PLEKHA4: variants seen among roughly 807,000 people sequenced by gnomAD.
The protein encoded by PLEKHA4 is pleckstrin homology domain-containing family A member 4.
PLEKHA4 carries 73 observed loss-of-function variants against 94.7 expected under a neutral mutation model. The ratio of observed to expected loss-of-function variants is 0.77; its 90% CI spans 0.64 to 0.94. The LOEUF is 0.94. Among genes scored for constraint, PLEKHA4 ranks in the 40% least tolerant of loss-of-function variants. The pLI, the probability that PLEKHA4 is intolerant of heterozygous loss-of-function variation, is 0.00. For missense variants in PLEKHA4, 1,049 were observed against 1,054.1 expected (o/e 1.00, Z 0.07); for synonymous variants, 449 against 437.1 (o/e 1.03, Z -0.34).
rs368110554 is a variant in PLEKHA4, at chr19:48,860,595, C to T, written c.367-136G>A. 170 of 654,654 alleles carry T rather than the reference C, an allele frequency of 2.6e-4. 1 individual carries two copies. The highest frequency in any genetic ancestry group is 2.2e-3 in the South Asian group (125 of 56,584). 40.6% of individuals were successfully genotyped at this position (654,654 alleles called of 1,614,324 possible). A position where few individuals can be genotyped will look rare whatever the true frequency, so the allele number is the denominator to read the frequency against. On this transcript the variant is annotated intron_variant, in intron 5 of 19. Transcript: ENST00000263265. ...GAGGATGGCTTGAGACCAGCCTAGG[C>T]AACATAATGAGACACCCCCCTCCAC...
Position 48,861,382 on chromosome 19 carries a change from CATGG to C in PLEKHA4, c.366+15_366+18del. 1 of 1,603,778 alleles carries C rather than the reference CATGG, an allele frequency of 6.2e-7. No individual in the cohort carries two copies. Among genetic ancestry groups the C allele is most frequent in the Non-Finnish European group, 8.5e-7 (1 of 1,171,798 alleles). On this transcript the variant is annotated intron_variant, in intron 5 of 19. Coordinates refer to ENST00000263265, the MANE Select transcript of PLEKHA4 (RefSeq NM_020904.3). ...CCAGTTCCCATCGCCTGGTGCACAA[CATGG>C]ATGGATGGACTCACGGTGAAGGTGA...
At position 48,837,485 on chromosome 19, in the gene PLEKHA4, C is replaced by T; in HGVS notation, c.2144G>A (p.Arg715His). The change falls in exon 20 of 20, where the codon CGC becomes CAC. Residue 715 changes from arginine to histidine, a missense_variant. Physicochemically the swap from Arg to His is conservative, Grantham distance 29. Transcript: ENST00000263265. This position sits in a 1 kb window ranked among gnomAD's most constrained non-coding sequence, Gnocchi z 4.3. ...AGATCTGGGGGGAGGGGTCTCCTGGCGCGTGGGGTCCGAAGGAGGCAGCGG... is the reference window on the plus strand; with the variant it reads ...AGATCTGGGGGGAGGGGTCTCCTGGTGCGTGGGGTCCGAAGGAGGCAGCGG... ...GVPLPPSDPT[R>H]QETPPPRSPP... The T allele has an allele frequency of 3.1e-6, 5 of 1,612,846 alleles. No homozygotes were observed. Among genetic ancestry groups the T allele is most frequent in the Non-Finnish European group, 3.4e-6 (4 of 1,179,506 alleles).
At chr19:48,839,094 G>C (rs1233605052) in intron 18 of PLEKHA4, 111 bp downstream of exon 18, 3 of 612,594 alleles carry the variant, frequency 4.9e-6, no homozygotes, top group Non-Finnish European at 8.1e-6. Context: ...ATCTCTAGAA[G>C]GGTTGCGATT....
At chr19:48,862,590 G>T (rs1412369333) in intron 3 of PLEKHA4, among the ~76,000 whole-genome samples, 1 of 148,824 alleles carries the variant, frequency 6.7e-6, no homozygotes, top group East Asian at 2.0e-4. Context: ...CTCACTGCAA[G>T]CTCCGCCTCC....
chr19:48,861,864 G>A (rs572116811), intron 3 of PLEKHA4, among the ~76,000 whole-genome samples, 172 bp from the exon 4 acceptor site: 10 of 152,198 alleles, frequency 6.6e-5, no homozygotes, highest in South Asian at 4.1e-4. Context: ...AATGGCTCAC[G>A]CCTGTAATCC....
intron 16 of PLEKHA4, among the ~76,000 whole-genome samples, chr19:48,843,466 A>G (rs769000612): frequency 8.0e-5 from 12 of 149,702 alleles, no homozygotes; most frequent in Non-Finnish European, 1.5e-4. Context: ...GGCGTTAGCC[A>G]CCGCACGCGG....
chr19:48,857,662 A>G (rs559324433), intron 8 of PLEKHA4, among the ~76,000 whole-genome samples, 166 bp from the exon 9 acceptor site: 30 of 151,674 alleles, frequency 2.0e-4, no homozygotes, highest in African/African-American at 6.3e-4. Context: ...ACTCAGGGTT[A>G]AATGGATTAA....
intron 11 of PLEKHA4, 34 bp from the exon 12 acceptor site, chr19:48,853,865 A>AGCCAT: frequency 6.3e-7 from 1 of 1,589,796 alleles, no homozygotes; most frequent in Non-Finnish European, 8.6e-7. Flanking sequence ...AGACTTCAGA[A>AGCCAT]GCCATGCCTA....
At chr19:48,862,483 G>C (rs961311861) in intron 3 of PLEKHA4, among the ~76,000 whole-genome samples, 1 of 151,636 alleles carries the variant, frequency 6.6e-6, no homozygotes, top group African/African-American at 2.4e-5. Flanking sequence ...TTACAGGCGT[G>C]AGCCACTGCG....
chr19:48,860,589 C>A (rs1374240146), intron 5 of PLEKHA4, 130 bp from the exon 6 acceptor site: 4 of 673,142 alleles, frequency 5.9e-6, no homozygotes, highest in Non-Finnish European at 1.0e-5. Flanking sequence ...TTGAGACCAG[C>A]CTAGGCAACA....
intron 3 of PLEKHA4, among the ~76,000 whole-genome samples, chr19:48,862,535 C>G (rs1322300628): frequency 6.8e-6 from 1 of 147,536 alleles, no homozygotes; most frequent in East Asian, 2.1e-4. Context: ...TTGAGATGGA[C>G]TCTCGCTCTG....
At chr19:48,843,760 C>T (rs1454352598) in intron 16 of PLEKHA4, among the ~76,000 whole-genome samples, 1 of 152,100 alleles carries the variant, frequency 6.6e-6, no homozygotes, top group South Asian at 2.1e-4. Context: ...CAGGTTCAAG[C>T]GATTCTCCTG....
chr19:48,839,053 G>C, intron 18 of PLEKHA4, 152 bp downstream of exon 18: 1 of 458,756 alleles, frequency 2.2e-6, no homozygotes, highest in East Asian at 3.3e-5. Context: ...GGGCTTTCTG[G>C]TTTTGTTGCA....
chr19:48,859,980 G>A (rs2036573413), intron 6 of PLEKHA4: 3 of 567,484 alleles, frequency 5.3e-6, no homozygotes, highest in Non-Finnish European at 9.3e-6. Flanking sequence ...GAGCCTAAGA[G>A]ATAGTCTGAC....
rs1023049334 is a variant in PLEKHA4 at position 48,837,130 on chromosome 19, G to A, written c.*159C>T. 3.2e-5 allele frequency: 30 copies of A among 925,154 alleles called. No homozygotes were observed. Among genetic ancestry groups the A allele is most frequent in the Non-Finnish European group, 5.1e-5 (30 of 587,990 alleles). 57.3% of individuals were successfully genotyped at this position (925,154 alleles called of 1,614,324 possible). On this transcript the variant is annotated 3_prime_UTR_variant, in exon 20 of 20. Transcript: ENST00000263265. The surrounding 1 kb of genome is among the most constrained non-coding windows in gnomAD (Gnocchi z 4.3). ...CAAAGTTTTAATCCAAATTTAGACA[G>A]TGTTGAGAAAACCAAACTTTGGCCA...
chr19:48,847,659 G>A (rs1254270774), intron 14 of PLEKHA4, among the ~76,000 whole-genome samples: 3 of 152,160 alleles, frequency 2.0e-5, no homozygotes, highest in South Asian at 2.1e-4. Context: ...TTGAACCCAG[G>A]AGGTGGAGGT....
chr19:48,859,818 C>A, intron 6 of PLEKHA4, 134 bp from the exon 7 acceptor site: 2 of 820,936 alleles, frequency 2.4e-6, no homozygotes, highest in Non-Finnish European at 1.9e-6. Flanking sequence ...CCCCCTTCTT[C>A]AGAAGGGGAA....
Position 48,852,310 on chromosome 19 carries a change from CA to C in PLEKHA4, c.1342del (p.Trp448GlyfsTer14). ...CHLTQERERV[W>X]DTYSGLEQEL... Reference sequence around the variant, plus strand: ...CTGCTCCAGGCCACTGTACGTGTCCCAAACCCTCTCTCGCTCCTCAGGTTGC... The same window carrying C: ...CTGCTCCAGGCCACTGTACGTGTCCCAACCCTCTCTCGCTCCTCAGGTTGC... On this transcript the variant is annotated frameshift_variant, in exon 13 of 20. Transcript: ENST00000263265. LOFTEE classifies it high-confidence loss of function. 6.2e-7 allele frequency: 1 copy of C among 1,614,028 alleles called. No homozygotes were observed. The highest frequency in any genetic ancestry group is 8.5e-7 in the Non-Finnish European group (1 of 1,179,976).
In PLEKHA4 at chr19:48,858,900, G is replaced by A; in HGVS notation, c.932C>T (p.Pro311Leu). The A allele has an allele frequency of 6.2e-7, 1 of 1,608,502 alleles. No individual in the cohort carries two copies. Residue 311 changes from proline (P) to leucine (L), a missense_variant, in exon 8 of 20, where the codon CCC becomes CTC. By Grantham distance (98) the Pro-to-Leu change is moderately conservative. Coordinates refer to ENST00000263265, the MANE Select transcript of PLEKHA4 (RefSeq NM_020904.3). The stretch of plus-strand genomic sequence containing the variant: ...CTGACTCCAGTGCTGGGGACTCCTG[G>A]GGGGCTTTCCTCCCCCAGCCTCAGA... ...PPSEAGGGKPPRSPQHWSQEP... is the reference protein window; with the variant it reads ...PPSEAGGGKPLRSPQHWSQEP...
Sources: allele counts gnomAD v4.1 joint callset (sites outside exome capture counted in the v4.1 genomes callset), GRCh38; gene constraint gnomAD v4.1.1; non-coding constraint Gnocchi (gnomAD v3.1); transcripts MANE v1.5; gene names NCBI Gene and HGNC (gene_info 2026-07-23, HGNC 2026-07-21).